RNF123: variants seen among roughly 807,000 people sequenced by gnomAD.
RNF123 encodes the protein E3 ubiquitin-protein ligase RNF123.
In RNF123, 86 loss-of-function variants were observed where a neutral mutation model predicts 168.5. The observed-to-expected ratio is 0.51, with a 90% CI of 0.43 to 0.61. The LOEUF is 0.61. Ranked by LOEUF, RNF123 falls within the 20% of genes least tolerant of loss-of-function variation. The pLI, the probability that RNF123 is intolerant of heterozygous loss-of-function variation, is 0.00. For synonymous variants in RNF123, 666 were observed against 689.1 expected, an observed-to-expected ratio of 0.97 and a Z score of 0.52; for missense variants, 1,419 against 1,729.7, an observed-to-expected ratio of 0.82 and a Z score of 3.19.
At chr3:49,718,035 A>C in intron 35 of RNF123, 1 of 1,613,654 alleles carries the variant, frequency 6.2e-7, no homozygotes, top group Non-Finnish European at 8.5e-7. Context: ...GGTTGTAGAG[A>C]TCGAATTCCT....
intron 26 of RNF123, among the ~76,000 whole-genome samples, chr3:49,710,654 T>C (rs1239144018): frequency 6.6e-6 from 1 of 152,220 alleles, no homozygotes; most frequent in East Asian, 1.9e-4. Flanking sequence ...TCTTTAGGAT[T>C]TTCTACTTAT....
intron 37 of RNF123, 47 bp from the exon 38 acceptor site, chr3:49,720,973 T>A: frequency 1.2e-6 from 2 of 1,607,598 alleles, no homozygotes; most frequent in Non-Finnish European, 8.5e-7. Flanking sequence ...GACATCCACA[T>A]AGCCAGGCAT....
At chr3:49,691,563 G>T (rs2054167447) in intron 3 of RNF123, 54 bp downstream of exon 3, 2 of 1,449,102 alleles carry the variant, frequency 1.4e-6, no homozygotes, top group African/African-American at 2.8e-5. Context: ...CCAGAATAAG[G>T]AGGCTGCAGT....
chr3:49,705,220 C>G (rs368485481), intron 23 of RNF123, 38 bp downstream of exon 23: 1 of 1,566,642 alleles, frequency 6.4e-7, no homozygotes, highest in African/African-American at 1.4e-5. Flanking sequence ...CCCCGAAGGA[C>G]CCTTCCACAG....
chr3:49,719,448 C>A (rs1271185826), intron 35 of RNF123: 2 of 1,612,554 alleles, frequency 1.2e-6, no homozygotes, highest in Non-Finnish European at 1.7e-6. Context: ...GTGTCCCCAG[C>A]AGCACCAACC....
chr3:49,711,557 C>T (rs2080145586), intron 26 of RNF123, among the ~76,000 whole-genome samples: 1 of 152,152 alleles, frequency 6.6e-6, no homozygotes, highest in Admixed American at 6.5e-5. Context: ...TAGGTTTGCG[C>T]CTAGGCCCTC....
intron 8 of RNF123, 50 bp downstream of exon 8, chr3:49,698,576 C>A (rs2054314176): frequency 1.3e-6 from 2 of 1,597,418 alleles, no homozygotes; most frequent in African/African-American, 2.7e-5. Context: ...GTTACTACAG[C>A]TTATTTGGAG....
chr3:49,701,505 G>T lies in RNF123; in HGVS notation c.1292G>T (p.Arg431Leu). 1 of 1,613,588 alleles carries T rather than the reference G, an allele frequency of 6.2e-7. No individual in the cohort carries two copies. The highest frequency in any genetic ancestry group is 8.5e-7 in the Non-Finnish European group (1 of 1,179,868). ...LLSNVLFDVL[R>L]SVVFFYIKSP... ...ACACCCGCCAGCTTCGACGTGCTCC[G>T]CTCCGTCGTCTTCTTTTACATCAAG... The change falls in exon 16 of 39, where the codon CGC becomes CTC. Residue 431 changes from arginine (R) to leucine (L), a missense_variant. Physicochemically the swap from Arg to Leu is moderately radical, Grantham distance 102. This residue lies in a region of RNF123 where 349 missense variants were observed against 344.9 expected (regional missense o/e 1.01). Transcript: ENST00000327697.
At chr3:49,719,198 G>A in intron 35 of RNF123, 1 of 1,613,364 alleles carries the variant, frequency 6.2e-7, no homozygotes, top group East Asian at 2.2e-5. Flanking sequence ...TCTAGGTGCA[G>A]GGCGCGCAGC....
At chr3:49,697,769 T>A in intron 5 of RNF123, 116 bp from the exon 6 acceptor site, 1 of 1,272,542 alleles carries the variant, frequency 7.9e-7, no homozygotes, top group Non-Finnish European at 1.1e-6. Flanking sequence ...AGTGCAGTGT[T>A]GGCCGCCACA....
intron 4 of RNF123, 52 bp downstream of exon 4, chr3:49,697,274 C>T (rs751541702): frequency 6.9e-6 from 11 of 1,597,602 alleles, no homozygotes; most frequent in East Asian, 4.5e-5. Context: ...TGGGACGTAG[C>T]GGGCCTGGAG....
In RNF123 at chr3:49,702,067, C is replaced by T. The variant is rs1310535581; in HGVS notation, c.1496-16C>T. On this transcript the variant is annotated splice_polypyrimidine_tract_variant and intron_variant, in intron 17 of 38. Transcript: ENST00000327697. ...CTCCTGGAGCCTGAGGGCCATGTTC[C>T]TCACCTGACCTCCAGTGGTGGAAGA... 3.1e-6 allele frequency: 5 copies of T among 1,613,192 alleles called. No homozygotes were observed. The East Asian group carries it at 6.7e-5, about 22-fold the overall frequency.
intron 35 of RNF123, chr3:49,718,223 G>C (rs141168573): frequency 6.2e-7 from 1 of 1,611,920 alleles, no homozygotes; most frequent in African/African-American, 1.3e-5. Context: ...CGGCGGCAGC[G>C]GCAGGCACGG....
chr3:49,719,434 A>T, intron 35 of RNF123: 2 of 1,613,472 alleles, frequency 1.2e-6, no homozygotes, highest in Non-Finnish European at 8.5e-7. Flanking sequence ...CAGCATGCAG[A>T]GCAGTGTCCC....
intron 35 of RNF123, chr3:49,718,796 C>A (rs1003244818): frequency 5.6e-6 from 9 of 1,613,010 alleles, no homozygotes; most frequent in Non-Finnish European, 7.6e-6. Context: ...AGGCGGCAGT[C>A]GCAAGGCAAA....
intron 3 of RNF123, among the ~76,000 whole-genome samples, chr3:49,692,850 C>T (rs1286080553): frequency 6.6e-6 from 1 of 152,010 alleles, no homozygotes; most frequent in Non-Finnish European, 1.5e-5. Context: ...GTATATGTAC[C>T]ATGTTTTCTT....
chr3:49,719,556 C>T, intron 35 of RNF123: 1 of 1,140,158 alleles, frequency 8.8e-7, no homozygotes, highest in South Asian at 1.5e-5. Context: ...ACATGGGTGG[C>T]ACCGGATGGC....
At chr3:49,711,558 C>G (rs906903940) in intron 26 of RNF123, among the ~76,000 whole-genome samples, 1 of 152,174 alleles carries the variant, frequency 6.6e-6, no homozygotes, top group Non-Finnish European at 1.5e-5. Context: ...AGGTTTGCGC[C>G]TAGGCCCTCC....
chr3:49,695,671 C>T (rs1263083056), intron 3 of RNF123, among the ~76,000 whole-genome samples: 1 of 152,152 alleles, frequency 6.6e-6, no homozygotes, highest in African/African-American at 2.4e-5. Context: ...ACCTTTGTCC[C>T]CTTCCAGAGC....
Sources: allele counts gnomAD v4.1 joint callset (sites outside exome capture counted in the v4.1 genomes callset), GRCh38; gene constraint gnomAD v4.1.1; regional missense constraint gnomAD v4.1.1; transcripts MANE v1.5; gene names NCBI Gene and HGNC (gene_info 2026-07-23, HGNC 2026-07-21).